CTNNA2: variants seen among roughly 807,000 people sequenced by gnomAD.
The protein encoded by CTNNA2 is catenin alpha 2, also known as catenin alpha-2.
A neutral mutation model predicts 101.0 loss-of-function variants in CTNNA2; 42 were observed. The ratio of observed to expected loss-of-function variants is 0.42; its 90% CI spans 0.32 to 0.54. CTNNA2 has a LOEUF of 0.54. CTNNA2 is among the 20% of genes least tolerant of loss of function. The pLI, the probability that CTNNA2 is intolerant of heterozygous loss-of-function variation, is 0.14. For synonymous variants in CTNNA2, 450 were observed against 456.4 expected (o/e 0.99, Z 0.18); for missense variants, 871 against 1,223.1 (o/e 0.71, Z 4.29).
At chr2:79,327,498 A>G (rs1356769839) in intron 3 of CTNNA2, among the ~76,000 whole-genome samples, 1 of 152,182 alleles carries the variant, frequency 6.6e-6, no homozygotes, top group Non-Finnish European at 1.5e-5. Context: ...TTGAAAAATG[A>G]AAGAAAAATT....
intron 6 of CTNNA2, among the ~76,000 whole-genome samples, chr2:79,892,209 G>A (rs1684359492): frequency 6.6e-6 from 1 of 152,012 alleles, no homozygotes; most frequent in Non-Finnish European, 1.5e-5. Flanking sequence ...GTTAAGATTT[G>A]TGGATTTATA....
At chr2:80,481,155 G>C (rs992635729) in intron 9 of CTNNA2, among the ~76,000 whole-genome samples, 4 of 152,138 alleles carry the variant, frequency 2.6e-5, no homozygotes, top group African/African-American at 9.7e-5. Flanking sequence ...CTGCAAGAAT[G>C]ACAGTAACTC....
intron 3 of CTNNA2, among the ~76,000 whole-genome samples, chr2:79,334,705 G>A (rs942429432): frequency 6.6e-6 from 1 of 152,082 alleles, no homozygotes. Flanking sequence ...GCGATTCTTT[G>A]ACATCAGTTA....
intron 2 of CTNNA2, among the ~76,000 whole-genome samples, chr2:79,245,818 A>G (rs984130034): frequency 1.3e-5 from 2 of 152,172 alleles, no homozygotes; most frequent in Admixed American, 6.5e-5. Flanking sequence ...TTTGAGCTTC[A>G]GGTGCAAACC....
chr2:79,210,151 C>A (rs1282496366), intron 2 of CTNNA2, among the ~76,000 whole-genome samples: 3 of 144,628 alleles, frequency 2.1e-5, no homozygotes, highest in African/African-American at 7.9e-5. Flanking sequence ...GGCCTCCACT[C>A]CAGGCTAGGA....
chr2:80,162,532 A>G lies in CTNNA2; in HGVS notation c.1057-230679A>G, dbSNP rs529241668. ...CATGGCTCCAGCCATCATGATTCCT[A>G]TCTTCATAGAAGAAATCATCTCTTT... On this transcript the variant is annotated intron_variant, in intron 7 of 18. Coordinates refer to ENST00000402739, the MANE Select transcript of CTNNA2 (RefSeq NM_001282597.3). The G allele has an allele frequency of 1.3e-4, 207 of 1,603,376 alleles. 1 individual carries two copies. Among genetic ancestry groups the G allele is most frequent in the East Asian group, 6.7e-5 (3 of 44,790 alleles).
intron 7 of CTNNA2, among the ~76,000 whole-genome samples, chr2:79,979,675 C>G (rs1344560584): frequency 6.6e-6 from 1 of 150,974 alleles, no homozygotes; most frequent in African/African-American, 2.4e-5. Context: ...AACTACAGTA[C>G]GACAAGACAA....
In CTNNA2 at chr2:79,465,190, C is replaced by T. The variant is rs565754867; in HGVS notation, c.-134-39864C>T. 8.5e-5 allele frequency among the ~76,000 whole-genome samples: 13 copies of T among 152,304 alleles called. No homozygotes were observed. The East Asian group carries it at 2.5e-3, about 29-fold the overall frequency. On this transcript the variant is annotated intron_variant, in intron 4 of 21. Transcript: ENST00000466387. ...GTGTAAGGAAGGGATCCAGTTTCAGCTTTCTACATAGGGTTAGCCAGTTTT... is the reference window on the plus strand; with the variant it reads ...GTGTAAGGAAGGGATCCAGTTTCAGTTTTCTACATAGGGTTAGCCAGTTTT...
chr2:79,981,915 G>A (rs1691299698), intron 7 of CTNNA2, among the ~76,000 whole-genome samples: 2 of 151,778 alleles, frequency 1.3e-5, no homozygotes, highest in Admixed American at 6.6e-5. Flanking sequence ...TTGATTAAAC[G>A]ACTTTGAGTT....
intron 7 of CTNNA2, among the ~76,000 whole-genome samples, chr2:79,914,608 GA>G (rs1319240448): frequency 2.0e-5 from 3 of 151,962 alleles, no homozygotes; most frequent in Non-Finnish European, 2.9e-5. Flanking sequence ...GACTAATTTA[GA>G]GCTACAGTTT....
chr2:79,993,648 T>C (rs1005880440), intron 7 of CTNNA2, among the ~76,000 whole-genome samples: 2 of 152,002 alleles, frequency 1.3e-5, no homozygotes, highest in African/African-American at 4.8e-5. Context: ...TCAGGTAGTG[T>C]GGAGTGAAGA....
intron 18 of CTNNA2, among the ~76,000 whole-genome samples, chr2:80,621,882 T>C (rs1237144197): frequency 2.0e-5 from 3 of 151,876 alleles, no homozygotes; most frequent in Admixed American, 2.0e-4. Flanking sequence ...AATATCCCTG[T>C]GGCCTGGGTG....
At chr2:79,713,904 A>G (rs1290465433) in intron 2 of CTNNA2, among the ~76,000 whole-genome samples, 1 of 152,176 alleles carries the variant, frequency 6.6e-6, no homozygotes, top group Non-Finnish European at 1.5e-5. Flanking sequence ...GGAGCCCCTC[A>G]TTGATTTCTT....
Position 80,639,705 on chromosome 2 carries a change from C to T in CTNNA2, c.2575-7880C>T, listed in dbSNP as rs566977728. Among the ~76,000 whole-genome samples the T allele has an allele frequency of 6.6e-5, 10 of 152,278 alleles. No individual in the cohort carries two copies. The South Asian group carries it at 1.9e-3, about 28-fold the overall frequency. On this transcript the variant is annotated intron_variant, in intron 18 of 18. Coordinates refer to ENST00000402739, the MANE Select transcript of CTNNA2 (RefSeq NM_001282597.3). ...ACTTAAATCTTCTCCTTAATGATTT[C>T]ATTAATTAGCAACTCATAATATGGT...
intron 3 of CTNNA2, among the ~76,000 whole-genome samples, chr2:79,784,353 T>G (rs1674679786): frequency 6.6e-6 from 1 of 151,892 alleles, no homozygotes; most frequent in Non-Finnish European, 1.5e-5. Context: ...GGAACTTCTC[T>G]TGTAACACTC....
chr2:79,390,702 C>A (rs1446905332), intron 4 of CTNNA2, among the ~76,000 whole-genome samples: 1 of 152,148 alleles, frequency 6.6e-6, no homozygotes, highest in Non-Finnish European at 1.5e-5. Flanking sequence ...AGGAATGATA[C>A]CTATTTGGTC....
At chr2:79,727,940 G>C (rs932062344) in intron 2 of CTNNA2, among the ~76,000 whole-genome samples, 1 of 151,956 alleles carries the variant, frequency 6.6e-6, no homozygotes, top group African/African-American at 2.4e-5. Context: ...GTATTCCATG[G>C]TGTTTATGTG....
intron 6 of CTNNA2, among the ~76,000 whole-genome samples, chr2:79,893,916 T>C (rs2104227243): frequency 6.6e-6 from 1 of 152,310 alleles, no homozygotes; most frequent in East Asian, 1.9e-4. Context: ...AACATCTGAA[T>C]TTGAATGATT....
chr2:79,789,341 G>T (rs1675091774), intron 3 of CTNNA2, among the ~76,000 whole-genome samples: 1 of 152,156 alleles, frequency 6.6e-6, no homozygotes, highest in African/African-American at 2.4e-5. Flanking sequence ...TGATGAGTGG[G>T]CCAGATTTTA....
Sources: gnomAD v4.1 joint callset for allele counts (sites outside exome capture counted in the v4.1 genomes callset) on GRCh38, gnomAD v4.1.1 for gene constraint, MANE v1.5 for transcripts, NCBI Gene and HGNC (gene_info 2026-07-23, HGNC 2026-07-21) for gene names.